The following FOXJ2 variants were observed in gnomAD, a reference collection of about 807,000 sequenced individuals.
The protein encoded by FOXJ2 is forkhead box protein J2.
Under a neutral mutation model 68.4 loss-of-function variants are expected in FOXJ2, and 18 were observed. The ratio of observed to expected loss-of-function variants is 0.26; its 90% CI spans 0.18 to 0.39. The LOEUF (loss-of-function observed/expected upper bound fraction) is 0.39. Among genes scored for constraint, FOXJ2 ranks in the 10% least tolerant of loss-of-function variants. FOXJ2 has a pLI of 1.00. For synonymous variants in FOXJ2, 274 were observed against 263.2 expected, an observed-to-expected ratio of 1.04 and a Z score of -0.40; for missense variants, 670 against 726.5, an observed-to-expected ratio of 0.92 and a Z score of 0.89.
intron 1 of FOXJ2, among the ~76,000 whole-genome samples, chr12:8,039,530 A>G (rs907990975): frequency 1.3e-5 from 2 of 152,124 alleles, no homozygotes; most frequent in African/African-American, 4.8e-5. Context: ...TTGTAGGGCT[A>G]TGAGTAAGGT....
Position 8,052,897 on chromosome 12 carries a change from T to C in FOXJ2, c.*47T>C, listed in dbSNP as rs1268402983. ...CAGCCCAGGGCCGCGTGGTGAAATCTGGCAGTGGGGAAAGAGCAACCCCAG... is the reference window on the plus strand; with the variant it reads ...CAGCCCAGGGCCGCGTGGTGAAATCCGGCAGTGGGGAAAGAGCAACCCCAG... On this transcript the variant is annotated 3_prime_UTR_variant, in exon 11 of 11. Coordinates refer to ENST00000162391, the MANE Select transcript of FOXJ2 (RefSeq NM_018416.3). 1 of 1,504,986 alleles carries C rather than the reference T, an allele frequency of 6.6e-7. No homozygotes were observed. Among genetic ancestry groups the C allele is most frequent in the Non-Finnish European group, 9.1e-7 (1 of 1,096,070 alleles). 93.2% of individuals were successfully genotyped at this position (1,504,986 alleles called of 1,614,324 possible).
chr12:8,045,666 A>AT (rs1410638891), intron 6 of FOXJ2, among the ~76,000 whole-genome samples: 18 of 120,782 alleles, frequency 1.5e-4, no homozygotes, highest in Non-Finnish European at 3.0e-4. Flanking sequence ...TTCTTTCTTT[A>AT]TTTTTTTGAG....
chr12:8,042,157 C>T (rs992687496), intron 2 of FOXJ2, among the ~76,000 whole-genome samples: 2 of 152,170 alleles, frequency 1.3e-5, no homozygotes, highest in East Asian at 1.9e-4. Flanking sequence ...GAATTATAGG[C>T]GTGAGCCACC....
At position 8,053,075 on chromosome 12, in the gene FOXJ2, A is replaced by G. The variant is rs763156882; in HGVS notation, c.*225A>G. On this transcript the variant is annotated 3_prime_UTR_variant, in exon 11 of 11. Coordinates refer to ENST00000162391, the MANE Select transcript of FOXJ2 (RefSeq NM_018416.3). The surrounding 1 kb of genome is among the most constrained non-coding windows in gnomAD (Gnocchi z 4.1). ...CCTGTTTTTTCCTAGTTCTTTTATT[A>G]TTATTCTTATATTATTATTATTATT... 4.7e-6 allele frequency: 1 copy of G among 210,936 alleles called. No homozygotes were observed. Among genetic ancestry groups the G allele is most frequent in the African/African-American group, 2.3e-5 (1 of 43,118 alleles). The allele number at this position is 210,936 out of a possible 1,614,324, so 13.1% of individuals were successfully genotyped here.
In FOXJ2 at chr12:8,039,933, G is replaced by A. The variant is rs372183229; in HGVS notation, c.101G>A (p.Gly34Glu). The A allele has an allele frequency of 6.8e-5, 109 of 1,613,956 alleles. No individual in the cohort carries two copies. The highest frequency in any genetic ancestry group is 9.1e-5 in the Non-Finnish European group (107 of 1,180,030). The change falls in exon 2 of 11, where the codon GGG becomes GAG. Residue 34 changes from glycine to glutamate, a missense_variant. Around this residue, in one of 2 missense-constraint regions of FOXJ2, gnomAD observed 115 missense variants for 164.3 expected, o/e 0.70. Coordinates refer to ENST00000162391, the MANE Select transcript of FOXJ2 (RefSeq NM_018416.3). The stretch of plus-strand genomic sequence containing the variant: ...AAGCTTGGAAGTGCCTCCCAGGCTG[G>A]GCCTCCCGGGAGCAGCCGCAAGTGT... ...IEKLGSASQA[G>E]PPGSSRKCSP... is the part of the protein sequence containing the mutation.
At chr12:8,049,322 A>G in intron 8 of FOXJ2, 40 bp from the exon 9 acceptor site, 1 of 1,556,824 alleles carries the variant, frequency 6.4e-7, no homozygotes, top group Non-Finnish European at 8.8e-7. Flanking sequence ...GGGGCTTCCT[A>G]CCTCTGCAAG....
At chr12:8,052,341 C>T (rs1019450811) in intron 10 of FOXJ2, among the ~76,000 whole-genome samples, 1 of 151,954 alleles carries the variant, frequency 6.6e-6, no homozygotes, top group Non-Finnish European at 1.5e-5. Context: ...GCTTCAGCCT[C>T]CCGAGTAGCT....
In FOXJ2 at chr12:8,038,258, G is replaced by A. The variant is rs190583241; in HGVS notation, c.-14-1561G>A. On this transcript the variant is annotated intron_variant, in intron 1 of 10. Transcript: ENST00000162391. This position sits in a 1 kb window ranked among gnomAD's most constrained non-coding sequence, Gnocchi z 5.3. ...TGACCCCTAGGAGAAAGGCTTAAGG[G>A]TCAAGGGCAGAAGAATCACTACCTA... Among the ~76,000 whole-genome samples, 2 of 152,272 alleles carry A rather than the reference G, an allele frequency of 1.3e-5. No individual in the cohort carries two copies. The highest frequency in any genetic ancestry group is 1.3e-4 in the Admixed American group (2 of 15,298).
chr12:8,044,085 C>T lies in FOXJ2; in HGVS notation c.612C>T (p.Tyr204=). Residue 204 remains tyrosine (Y), a synonymous_variant, in exon 5 of 11, where the codon TAC becomes TAT. Coordinates refer to ENST00000162391, the MANE Select transcript of FOXJ2 (RefSeq NM_018416.3). ...AGAGCCCCACATCTATAGCCAGCTA[C>T]AGCCAGGTAGGAAGCAGATATGGCA... ...SLQSPTSIAS[Y]SQGTGSVDGG... The T allele has an allele frequency of 2.6e-6, 4 of 1,535,780 alleles. 1 individual carries two copies. The highest frequency in any genetic ancestry group is 2.6e-5 in the South Asian group (2 of 77,830).
chr12:8,033,149 A>AC lies in FOXJ2; in HGVS notation c.-694dup. 2.9e-6 allele frequency: 1 copy of AC among 340,702 alleles called. No individual in the cohort carries two copies. The highest frequency in any genetic ancestry group is 5.3e-6 in the Non-Finnish European group (1 of 189,696). 21.1% of individuals were successfully genotyped at this position (340,702 alleles called of 1,614,324 possible). Reference sequence around the variant, plus strand: ...GACCCCTGTACTGGCCGGGGAGGAGACCCCCAGAAGTGGAAAGAAGGGAGC... The same window carrying AC: ...GACCCCTGTACTGGCCGGGGAGGAGACCCCCCAGAAGTGGAAAGAAGGGAGC... On this transcript the variant is annotated 5_prime_UTR_variant, in exon 1 of 11. Coordinates refer to ENST00000162391, the MANE Select transcript of FOXJ2 (RefSeq NM_018416.3).
chr12:8,042,084 GCTA>G (rs1946974127), intron 2 of FOXJ2, among the ~76,000 whole-genome samples: 1 of 152,076 alleles, frequency 6.6e-6, no homozygotes, highest in South Asian at 2.1e-4. Flanking sequence ...CACCATGTCG[GCTA>G]GGCTGGTCTC....
intron 10 of FOXJ2, among the ~76,000 whole-genome samples, chr12:8,050,832 C>T (rs1249129744): frequency 2.2e-5 from 3 of 138,256 alleles, no homozygotes; most frequent in Admixed American, 1.4e-4. Flanking sequence ...CCTCCCTTCC[C>T]CTCCCTTCCT....
At chr12:8,045,408 G>A (rs1947023461) in intron 6 of FOXJ2, among the ~76,000 whole-genome samples, 1 of 152,160 alleles carries the variant, frequency 6.6e-6, no homozygotes, top group South Asian at 2.1e-4. Flanking sequence ...TAGAGACAGG[G>A]TTTCACCATG....
At chr12:8,043,347 C>G (rs1946992100) in intron 3 of FOXJ2, among the ~76,000 whole-genome samples, 1 of 151,352 alleles carries the variant, frequency 6.6e-6, no homozygotes, top group South Asian at 2.1e-4. Context: ...AAAAGGTAGA[C>G]TTAATAACCT....
rs1274238759 is a variant in FOXJ2 at position 8,035,638 on chromosome 12, CACA to C, written c.-15+1809_-15+1811del. 2.0e-5 allele frequency among the ~76,000 whole-genome samples: 3 copies of C among 152,176 alleles called. No homozygotes were observed. The highest frequency in any genetic ancestry group is 7.2e-5 in the African/African-American group (3 of 41,432). ...CTGAATGGCTCAGGGTGAACTATAT[CACA>C]ACATCTCCAAGTACACCACCGCCAC... On this transcript the variant is annotated intron_variant, in intron 1 of 10. Coordinates refer to ENST00000162391, the MANE Select transcript of FOXJ2 (RefSeq NM_018416.3). The surrounding 1 kb of genome is among the most constrained non-coding windows in gnomAD (Gnocchi z 4.0).
In FOXJ2 at chr12:8,038,832, G is replaced by A. The variant is rs1026200575; in HGVS notation, c.-14-987G>A. 5.9e-5 allele frequency among the ~76,000 whole-genome samples: 9 copies of A among 152,236 alleles called. No individual in the cohort carries two copies. The highest frequency in any genetic ancestry group is 3.8e-4 in the East Asian group (2 of 5,202). On this transcript the variant is annotated intron_variant, in intron 1 of 10. Transcript: ENST00000162391. This position sits in a 1 kb window ranked among gnomAD's most constrained non-coding sequence, Gnocchi z 5.3. Reference sequence around the variant, plus strand: ...CCAGGAGTTTGCATGGAGGTGCAGCGAGCGTGCCTGCCTGGCTGGGAAGGA... The same window carrying A: ...CCAGGAGTTTGCATGGAGGTGCAGCAAGCGTGCCTGCCTGGCTGGGAAGGA...
At chr12:8,045,017 G>A (rs946584540) in intron 6 of FOXJ2, 59 bp downstream of exon 6, 13 of 1,485,298 alleles carry the variant, frequency 8.8e-6, no homozygotes, top group Non-Finnish European at 1.2e-5. Flanking sequence ...AACAAGTGGG[G>A]TGACATTTTC....
At chr12:8,049,807 T>C in intron 9 of FOXJ2, 1 of 449,868 alleles carries the variant, frequency 2.2e-6, no homozygotes, top group Admixed American at 4.0e-5. Flanking sequence ...GAGATCAGAA[T>C]TGTTTAAGAA....
chr12:8,054,773 C>T lies in FOXJ2; in HGVS notation c.*1923C>T. On this transcript the variant is annotated 3_prime_UTR_variant, in exon 11 of 11. Transcript: ENST00000162391. ...GGCAAAATGCCTTTGCCCAGTGTCC[C>T]TATTTTAGGCATCTTTTCCTTCCTT... 6.6e-6 allele frequency: 1 copy of T among 152,400 alleles called. No homozygotes were observed. The allele number at this position is 152,400 out of a possible 1,614,324, so 9.4% of individuals were successfully genotyped here.
Sources: gnomAD v4.1 joint callset for allele counts (sites outside exome capture counted in the v4.1 genomes callset) on GRCh38, gnomAD v4.1.1 for gene constraint, gnomAD v4.1.1 regional missense constraint, Gnocchi (gnomAD v3.1) non-coding constraint, MANE v1.5 for transcripts, NCBI Gene and HGNC (gene_info 2026-07-23, HGNC 2026-07-21) for gene names.